THADA: variants seen among roughly 807,000 people sequenced by gnomAD.
THADA encodes the protein tRNA (32-2'-O)-methyltransferase regulator THADA.
Under a neutral mutation model 219.8 loss-of-function variants are expected in THADA, and 213 were observed. That is an observed-to-expected ratio of 0.97 (90% CI 0.87 to 1.09). The LOEUF (loss-of-function observed/expected upper bound fraction) is 1.09. Among genes scored for constraint, THADA ranks in the 50% least tolerant of loss-of-function variants. The pLI, the probability that THADA is intolerant of heterozygous loss-of-function variation, is 0.00. For synonymous variants in THADA, 1,018 were observed against 828.9 expected (o/e 1.23, Z -3.92); for missense variants, 2,956 against 2,311.3 (o/e 1.28, Z -5.72).
rs201616676 is a variant in THADA, at chr2:43,320,457, T to A, written c.4427A>T (p.Asp1476Val). The A allele has an allele frequency of 8.2e-5, 133 of 1,612,478 alleles. No individual in the cohort carries two copies. The highest frequency in any genetic ancestry group is 5.0e-4 in the Admixed American group (30 of 59,792). ...LTCCLNRSAKDNQPVLESLGF... is the reference protein window; with the variant it reads ...LTCCLNRSAKVNQPVLESLGF... ...ACTATGAATCATACCTGGCTGGTTG[T>A]CCTTTGCAGATCTGTTGAGGCAGCA... Residue 1476 changes from aspartate to valine, a missense_variant, in exon 31 of 38, where the codon GAC (aspartate) becomes GTC (valine). Asp to Val is a radical substitution (Grantham distance 152, BLOSUM62 -3). Transcript: ENST00000405975.
At chr2:43,515,170 A>G (rs1313307766) in intron 22 of THADA, among the ~76,000 whole-genome samples, 1 of 12,634 alleles carries the variant, frequency 7.9e-5, no homozygotes. Context: ...TATATAATAT[A>G]TTATATATTA....
At chr2:43,459,675 CAT>C (rs1254495411) in intron 26 of THADA, among the ~76,000 whole-genome samples, 11 of 152,288 alleles carry the variant, frequency 7.2e-5, no homozygotes, top group Admixed American at 3.9e-4. Flanking sequence ...TAAATACACA[CAT>C]GTTAAACAGT....
At position 43,286,868 on chromosome 2, in the gene THADA, G is replaced by A. The variant is rs781359020; in HGVS notation, c.5164+40C>T. ...GCAAGAATATCTATTCATATTTTAA[G>A]TGAGTTTGGTACAACAGACTTCCGT... On this transcript the variant is annotated intron_variant, in intron 35 of 37. Coordinates refer to ENST00000405975, the MANE Select transcript of THADA (RefSeq NM_022065.5). The A allele has an allele frequency of 5.7e-6, 9 of 1,582,936 alleles. No homozygotes were observed. In the East Asian group the frequency reaches 1.1e-4, roughly 20 times the overall value.
At chr2:43,505,937 T>C (rs1261559946) in intron 23 of THADA, among the ~76,000 whole-genome samples, 3 of 152,138 alleles carry the variant, frequency 2.0e-5, no homozygotes, top group Non-Finnish European at 4.4e-5. Flanking sequence ...TAAATTTAGG[T>C]GAAGGTGAAA....
At chr2:43,456,746 A>C (rs6728106) in intron 26 of THADA, among the ~76,000 whole-genome samples, 25,672 of 152,022 alleles carry the variant, frequency 0.17, 3,164 homozygotes, top group African/African-American at 0.35. Context: ...TCTTGCCACC[A>C]AGTCCTCTTC....
chr2:43,499,769 C>G (rs1448773640), intron 24 of THADA, among the ~76,000 whole-genome samples: 1 of 151,760 alleles, frequency 6.6e-6, no homozygotes. Flanking sequence ...ACCTACATAT[C>G]AATACTTGTA....
chr2:43,570,433 A>G lies in THADA; in HGVS notation c.2142T>C (p.Asn714=), dbSNP rs773454353. The G allele has an allele frequency of 1.9e-6, 3 of 1,613,606 alleles. No homozygotes were observed. Among genetic ancestry groups the G allele is most frequent in the Non-Finnish European group, 2.5e-6 (3 of 1,179,756 alleles). The change falls in exon 14 of 38, where the codon AAT becomes AAC. Residue 714 remains asparagine (N), a synonymous_variant. Coordinates refer to ENST00000405975, the MANE Select transcript of THADA (RefSeq NM_022065.5). ...EQSKSKREPE[N]ELTKQHPSVS... is the part of the protein sequence containing the mutation. ...CAGAAGGGTGCTGTTTGGTTAACTC[A>G]TTCTCTGGTTCACGTTTGGATTTAC...
intron 26 of THADA, among the ~76,000 whole-genome samples, chr2:43,473,016 T>C (rs904642849): frequency 1.1e-4 from 16 of 152,150 alleles, no homozygotes; most frequent in African/African-American, 2.4e-5. Context: ...TGGGTGAACA[T>C]GAAGGCCTAG....
At chr2:43,291,830 G>C (rs192625426) in intron 33 of THADA, 62 bp from the exon 34 acceptor site, 1 of 1,406,380 alleles carries the variant, frequency 7.1e-7, no homozygotes, top group Non-Finnish European at 9.7e-7. Context: ...TTCATACACC[G>C]GTTTTTGCAG....
chr2:43,515,253 T>A (rs1691462908), intron 22 of THADA, among the ~76,000 whole-genome samples: 1 of 24,792 alleles, frequency 4.0e-5, no homozygotes, highest in Non-Finnish European at 7.3e-5. Flanking sequence ...ATATATTATA[T>A]ATAATATATA....
chr2:43,394,007 C>T (rs927477146), intron 29 of THADA, among the ~76,000 whole-genome samples: 6 of 152,022 alleles, frequency 3.9e-5, no homozygotes, highest in African/African-American at 1.2e-4. Flanking sequence ...ATGTTAAGTC[C>T]CCAACATGAA....
intron 22 of THADA, 21 bp from the exon 23 acceptor site, chr2:43,508,801 A>T: frequency 6.2e-7 from 1 of 1,609,526 alleles, no homozygotes; most frequent in South Asian, 1.1e-5. Flanking sequence ...TATATAATCA[A>T]ATATTCGGAA....
chr2:43,380,676 C>T (rs60607876), intron 29 of THADA, among the ~76,000 whole-genome samples: 3,615 of 152,254 alleles, frequency 0.024, 74 homozygotes, highest in African/African-American at 0.064. Context: ...ATGAGCATAC[C>T]CAGTGCCCCA....
At chr2:43,582,044 G>A in intron 7 of THADA, 116 bp from the exon 8 acceptor site, 1 of 726,940 alleles carries the variant, frequency 1.4e-6, no homozygotes, top group Non-Finnish European at 2.1e-6. Flanking sequence ...TTTAAATTAT[G>A]ATAATTTATT....
intron 26 of THADA, among the ~76,000 whole-genome samples, chr2:43,432,525 A>G (rs1436445478): frequency 6.6e-6 from 1 of 151,782 alleles, no homozygotes; most frequent in African/African-American, 2.4e-5. Context: ...CTTTTTAAGG[A>G]CACGTTTTCA....
At chr2:43,351,957 G>T (rs1668317839) in intron 29 of THADA, among the ~76,000 whole-genome samples, 1 of 152,258 alleles carries the variant, frequency 6.6e-6, no homozygotes, top group Non-Finnish European at 1.5e-5. Context: ...GGTTTGGACA[G>T]TGGTGTCAGA....
intron 28 of THADA, among the ~76,000 whole-genome samples, chr2:43,427,247 A>G (rs568094291): frequency 1.3e-5 from 2 of 152,318 alleles, no homozygotes; most frequent in Middle Eastern, 3.4e-3. Flanking sequence ...CAGAAGATAC[A>G]TACCAGAACC....
intron 28 of THADA, among the ~76,000 whole-genome samples, chr2:43,415,491 T>C (rs369966188): frequency 2.0e-5 from 3 of 152,172 alleles, no homozygotes; most frequent in Non-Finnish European, 4.4e-5. Flanking sequence ...TCTCCAAGCA[T>C]GGGCACTCCA....
At chr2:43,592,473 G>C (rs1701680550) in intron 1 of THADA, 57 bp from the exon 2 acceptor site, 2 of 1,047,380 alleles carry the variant, frequency 1.9e-6, no homozygotes, top group Admixed American at 2.3e-5. Flanking sequence ...TCAGCACTAT[G>C]ATTTTTGGCT....
Sources: gnomAD v4.1 joint callset for allele counts (sites outside exome capture counted in the v4.1 genomes callset) on GRCh38, gnomAD v4.1.1 for gene constraint, MANE v1.5 for transcripts, NCBI Gene and HGNC (gene_info 2026-07-23, HGNC 2026-07-21) for gene names.